The following SHB variants were observed in gnomAD, a reference collection of about 807,000 sequenced individuals.
SHB encodes the protein SH2 domain-containing adapter protein B.
In SHB, 20 loss-of-function variants were observed where a neutral mutation model predicts 52.3. The ratio of observed to expected loss-of-function variants is 0.38; its 90% CI spans 0.27 to 0.56. SHB has a LOEUF of 0.56. SHB is among the 20% of genes least tolerant of loss of function. SHB has a pLI of 0.71. For synonymous variants in SHB, 397 were observed against 316.5 expected, an observed-to-expected ratio of 1.25 and a Z score of -2.70; for missense variants, 825 against 723.3, an observed-to-expected ratio of 1.14 and a Z score of -1.61.
intron 5 of SHB, among the ~76,000 whole-genome samples, chr9:37,934,032 A>G (rs1224355748): frequency 6.6e-6 from 1 of 152,090 alleles, no homozygotes; most frequent in East Asian, 1.9e-4. Flanking sequence ...CATCTCTCAC[A>G]CAGCGGGAGT....
intron 2 of SHB, among the ~76,000 whole-genome samples, chr9:38,001,294 C>G (rs1405819882): frequency 2.0e-5 from 3 of 152,180 alleles, no homozygotes; most frequent in Non-Finnish European, 4.4e-5. Context: ...GTGTTTACAT[C>G]AGTACTTACA....
At chr9:38,015,179 C>A (rs1821194718) in intron 2 of SHB, among the ~76,000 whole-genome samples, 1 of 152,224 alleles carries the variant, frequency 6.6e-6, no homozygotes, top group African/African-American at 2.4e-5. Context: ...ACAGGGGCAG[C>A]CTACACAGCT....
rs1295461182 is a variant in SHB, at chr9:37,918,969, G to A, written c.*852C>T. On this transcript the variant is annotated 3_prime_UTR_variant, in exon 6 of 6. Coordinates refer to ENST00000377707, the MANE Select transcript of SHB (RefSeq NM_003028.3). ...CCAGTTGTCAGAGCAGACGGCTCTT[G>A]TGTCCAGAGCTGCTGAGGGCTGGAG... Among the ~76,000 whole-genome samples the A allele has an allele frequency of 1.3e-5, 2 of 152,174 alleles. No individual in the cohort carries two copies. The highest frequency in any genetic ancestry group is 2.9e-5 in the Non-Finnish European group (2 of 68,034).
intron 1 of SHB, among the ~76,000 whole-genome samples, chr9:38,028,411 G>A (rs1454357667): frequency 6.6e-6 from 1 of 152,160 alleles, no homozygotes; most frequent in African/African-American, 2.4e-5. Context: ...AGAACACCAC[G>A]GTGTGCCCAT....
chr9:38,068,393 G>A lies in SHB; in HGVS notation c.253C>T (p.Arg85Cys). Residue 85 changes from arginine (R) to cysteine (C), a missense_variant, in exon 1 of 6, where the codon CGC becomes TGC. Transcript: ENST00000377707. Reference protein sequence around the residue: ...GSTSDLIRAYRAQKERDFEDP... With the variant: ...GSTSDLIRAYCAQKERDFEDP... ...TCGAAGTCTCGCTCCTTCTGCGCGC[G>A]GTAGGCGCGGATGAGGTCGCTGGTG... The A allele has an allele frequency of 6.3e-7, 1 of 1,575,136 alleles. No homozygotes were observed. Among genetic ancestry groups the A allele is most frequent in the Non-Finnish European group, 8.6e-7 (1 of 1,164,324 alleles).
At chr9:37,967,243 C>T (rs1033398422) in intron 3 of SHB, among the ~76,000 whole-genome samples, 1 of 152,212 alleles carries the variant, frequency 6.6e-6, no homozygotes, top group African/African-American at 2.4e-5. Flanking sequence ...TCCTCCCCAT[C>T]CTTCCTTACC....
At chr9:38,014,749 C>T (rs1471333732) in intron 2 of SHB, among the ~76,000 whole-genome samples, 1 of 152,156 alleles carries the variant, frequency 6.6e-6, no homozygotes, top group Non-Finnish European at 1.5e-5. Context: ...AATCTCCTTC[C>T]ATGAACAGGA....
At chr9:38,035,079 A>T (rs975543495) in intron 1 of SHB, among the ~76,000 whole-genome samples, 1 of 151,992 alleles carries the variant, frequency 6.6e-6, no homozygotes, top group Non-Finnish European at 1.5e-5. Flanking sequence ...GGCATAATTG[A>T]AGGGACCGAG....
At chr9:37,933,443 C>T (rs896522989) in intron 5 of SHB, among the ~76,000 whole-genome samples, 3 of 152,174 alleles carry the variant, frequency 2.0e-5, no homozygotes, top group African/African-American at 7.2e-5. Flanking sequence ...CAAAAGGACT[C>T]GCCTTCATTA....
intron 1 of SHB, among the ~76,000 whole-genome samples, chr9:38,050,967 AT>A (rs1821730684): frequency 6.6e-6 from 1 of 152,228 alleles, no homozygotes; most frequent in Non-Finnish European, 1.5e-5. Context: ...CAAACTGCTT[AT>A]TTAGCATCCT....
Position 37,919,998 on chromosome 9 carries a change from G to A in SHB, c.1353C>T (p.Asn451=). 1 of 1,613,842 alleles carries A rather than the reference G, an allele frequency of 6.2e-7. No homozygotes were observed. The highest frequency in any genetic ancestry group is 1.1e-5 in the South Asian group (1 of 91,058). ...KHDYSLSLRS[N]QGFMHMKLAK... ...CCAGTTTCATGTGCATAAAACCCTG[G>A]TTGCTCCTGTGAACAAAACACAGAG... is the stretch of plus-strand genomic sequence containing the variant. The change falls in exon 6 of 6, where the codon AAC becomes AAT. Residue 451 remains asparagine (N), a synonymous_variant. Transcript: ENST00000377707.
intron 2 of SHB, among the ~76,000 whole-genome samples, chr9:37,987,918 G>A (rs547846058): frequency 9.2e-5 from 14 of 152,168 alleles, no homozygotes; most frequent in Non-Finnish European, 1.6e-4. Context: ...CTCTGCTGGG[G>A]AGGACCTTCC....
chr9:37,937,549 C>G (rs1356160776), intron 5 of SHB, among the ~76,000 whole-genome samples: 1 of 151,998 alleles, frequency 6.6e-6, no homozygotes, highest in Non-Finnish European at 1.5e-5. Flanking sequence ...AGGGGAGCTT[C>G]CTAGAGAAGA....
intron 2 of SHB, among the ~76,000 whole-genome samples, chr9:37,989,392 T>C (rs1290900871): frequency 6.6e-6 from 1 of 152,126 alleles, no homozygotes; most frequent in Non-Finnish European, 1.5e-5. Flanking sequence ...TTCAGGAGAC[T>C]TGACAGTAGC....
intron 1 of SHB, among the ~76,000 whole-genome samples, chr9:38,024,908 G>C (rs1406959617): frequency 1.3e-5 from 2 of 152,122 alleles, no homozygotes; most frequent in Non-Finnish European, 2.9e-5. Context: ...TTTCTGCAAA[G>C]GGAATCTTAC....
intron 1 of SHB, among the ~76,000 whole-genome samples, chr9:38,057,163 G>A (rs1408440495): frequency 2.6e-5 from 4 of 152,180 alleles, no homozygotes; most frequent in South Asian, 2.1e-4. Context: ...TGGTGAAAAC[G>A]AGGAAAAGCC....
At chr9:38,005,718 C>T (rs1184027867) in intron 2 of SHB, among the ~76,000 whole-genome samples, 2 of 152,196 alleles carry the variant, frequency 1.3e-5, no homozygotes, top group African/African-American at 4.8e-5. Context: ...CCAGCCTGAG[C>T]CCTACTTAGA....
In SHB at chr9:38,048,972, A is replaced by G. The variant is rs947488351; in HGVS notation, c.717+18957T>C. Among the ~76,000 whole-genome samples the G allele has an allele frequency of 1.3e-4, 19 of 151,642 alleles. 1 individual carries two copies. The highest frequency in any genetic ancestry group is 4.6e-4 in the African/African-American group (19 of 41,442). On this transcript the variant is annotated intron_variant, in intron 1 of 5. Transcript: ENST00000377707. ...TACAACATTTTTAGGGCAACAATAC[A>G]GTCTATTCACAGGCACCTTCTCAGC...
At chr9:38,052,444 C>T (rs1025611276) in intron 1 of SHB, among the ~76,000 whole-genome samples, 5 of 152,236 alleles carry the variant, frequency 3.3e-5, no homozygotes, top group Non-Finnish European at 5.9e-5. Flanking sequence ...AACTCACAAA[C>T]TCCCACAGAG....
Sources: allele counts gnomAD v4.1 joint callset (sites outside exome capture counted in the v4.1 genomes callset), GRCh38; gene constraint gnomAD v4.1.1; transcripts MANE v1.5; gene names NCBI Gene and HGNC (gene_info 2026-07-23, HGNC 2026-07-21).